The following ABL2 variants were observed in gnomAD, a reference collection of about 807,000 sequenced individuals.
ABL2 encodes the protein tyrosine-protein kinase ABL2.
Under a neutral mutation model 107.7 loss-of-function variants are expected in ABL2, and 49 were observed. The ratio of observed to expected loss-of-function variants is 0.45; its 90% CI spans 0.36 to 0.58. ABL2 has a LOEUF of 0.58. ABL2 is among the 20% of genes least tolerant of loss of function. The pLI, the probability that ABL2 is intolerant of heterozygous loss-of-function variation, is 0.00. For synonymous variants in ABL2, 549 were observed against 548.6 expected (o/e 1.00, Z -0.01); for missense variants, 1,245 against 1,457.0 (o/e 0.85, Z 2.37).
intron 8 of ABL2, among the ~76,000 whole-genome samples, chr1:179,116,007 G>C (rs1654581103): frequency 6.6e-6 from 1 of 151,676 alleles, no homozygotes; most frequent in African/African-American, 2.4e-5. Context: ...ACAAATTCTA[G>C]AGGAAACCTC....
chr1:179,215,570 T>C (rs1167139804), intron 1 of ABL2, among the ~76,000 whole-genome samples: 1 of 151,584 alleles, frequency 6.6e-6, no homozygotes, highest in Non-Finnish European at 1.5e-5. Context: ...CTACTAAAAA[T>C]ACAAAAATCA....
rs4651013 is a variant in ABL2, at chr1:179,103,831, C to T, written c.*3887G>A. The T allele has an allele frequency of 0.63, 145,088 of 230,208 alleles. 46,163 individuals are homozygous for T. Among genetic ancestry groups the T allele is most frequent in the Middle Eastern group, 0.71 (548 of 772 alleles). 14.3% of individuals were successfully genotyped at this position (230,208 alleles called of 1,614,324 possible). A position where few individuals can be genotyped will look rare whatever the true frequency, so the allele number is the denominator to read the frequency against. On this transcript the variant is annotated 3_prime_UTR_variant, in exon 12 of 12. Coordinates refer to ENST00000502732, the MANE Select transcript of ABL2 (RefSeq NM_007314.4). The stretch of plus-strand genomic sequence containing the variant: ...GAGACTTGAATTCTAGCCTTGGCTC[C>T]GCCACTAATTAACCGTTCTGAGACA...
At position 179,131,294 on chromosome 1, in the gene ABL2, C is replaced by T. The variant is rs752453458; in HGVS notation, c.391+17G>A. ...ATGAAAACTGAAAAGTGAAAGGATGCTACATAGAAGCCTCACCTTTAGTGA... is the reference window on the plus strand; with the variant it reads ...ATGAAAACTGAAAAGTGAAAGGATGTTACATAGAAGCCTCACCTTTAGTGA... On this transcript the variant is annotated intron_variant, in intron 3 of 11. Transcript: ENST00000502732. 2.5e-6 allele frequency: 4 copies of T among 1,608,548 alleles called. No homozygotes were observed. In the South Asian group the frequency reaches 4.4e-5, roughly 18 times the overall value.
At chr1:179,211,503 T>C (rs1441601964) in intron 1 of ABL2, among the ~76,000 whole-genome samples, 1 of 151,904 alleles carries the variant, frequency 6.6e-6, no homozygotes, top group Non-Finnish European at 1.5e-5. Context: ...AGCAACACAG[T>C]GAGATCCCGT....
At chr1:179,221,161 T>G (rs932703940) in intron 1 of ABL2, 11 of 239,802 alleles carry the variant, frequency 4.6e-5, no homozygotes, top group Non-Finnish European at 9.5e-5. Flanking sequence ...GATGGCGATA[T>G]GAGGTTCTCA....
At position 179,108,211 on chromosome 1, in the gene ABL2, T is replaced by C. The variant is rs758949211; in HGVS notation, c.3056A>G (p.Gln1019Arg). The change falls in exon 12 of 12, where the codon CAG (glutamine) becomes CGG (arginine). Residue 1019 changes from glutamine to arginine, a missense_variant. Gln to Arg is a conservative substitution (Grantham distance 43). Coordinates refer to ENST00000502732, the MANE Select transcript of ABL2 (RefSeq NM_007314.4). ...CAGAGCTGCCTTCTTTCCTCCTTCCTGTGTTTCTGATGTGGACTGTCCTGC... is the reference window on the plus strand; with the variant it reads ...CAGAGCTGCCTTCTTTCCTCCTTCCCGTGTTTCTGATGTGGACTGTCCTGC... Reference protein sequence around the residue: ...LTAGQSTSETQEGGKKAALGA... With the variant: ...LTAGQSTSETREGGKKAALGA... 2 of 1,613,986 alleles carry C rather than the reference T, an allele frequency of 1.2e-6. No homozygotes were observed. Among genetic ancestry groups the C allele is most frequent in the South Asian group, 1.1e-5 (1 of 91,082 alleles).
At chr1:179,120,461 G>A (rs946445870) in intron 5 of ABL2, among the ~76,000 whole-genome samples, 187 bp from the exon 6 acceptor site, 2 of 151,978 alleles carry the variant, frequency 1.3e-5, no homozygotes, top group Admixed American at 6.6e-5. Flanking sequence ...ACACGGTCTC[G>A]CTCTGTTACC....
intron 1 of ABL2, among the ~76,000 whole-genome samples, chr1:179,178,483 A>G (rs2102791981): frequency 6.6e-6 from 1 of 152,008 alleles, no homozygotes; most frequent in African/African-American, 2.4e-5. Flanking sequence ...AGGCATTTTT[A>G]GTAAGCTTAT....
Position 179,175,580 on chromosome 1 carries a change from T to G in ABL2, c.158-42206A>C, listed in dbSNP as rs566208171. On this transcript the variant is annotated intron_variant, in intron 1 of 11. Coordinates refer to ENST00000502732, the MANE Select transcript of ABL2 (RefSeq NM_007314.4). ...CCTAAATGAAATAAATGAGCTACTTTCGGGGTAGGATAGTGGGGGAACCAC... is the reference window on the plus strand; with the variant it reads ...CCTAAATGAAATAAATGAGCTACTTGCGGGGTAGGATAGTGGGGGAACCAC... Among the ~76,000 whole-genome samples, 34 of 152,324 alleles carry G rather than the reference T, an allele frequency of 2.2e-4. No homozygotes were observed. The South Asian group carries it at 6.8e-3, about 31-fold the overall frequency.
chr1:179,108,128 G>C lies in ABL2; in HGVS notation c.3139C>G (p.Pro1047Ala), dbSNP rs1360791310. ...GGCGAGATGGAAGATGTGGGCAGAG[G>C]CACTTGAGGTGGAGGCATCACTGGC... ...GRPVMPPPQV[P>A]LPTSSISPAK... Residue 1047 changes from proline (P) to alanine (A), a missense_variant, in exon 12 of 12, where the codon CCT becomes GCT. Physicochemically the swap from Pro to Ala is conservative, Grantham distance 27. Around this residue, in one of 3 missense-constraint regions of ABL2, gnomAD observed 761 missense variants for 766.4 expected, o/e 0.99. Coordinates refer to ENST00000502732, the MANE Select transcript of ABL2 (RefSeq NM_007314.4). 9 of 1,614,132 alleles carry C rather than the reference G, an allele frequency of 5.6e-6. No homozygotes were observed. Among genetic ancestry groups the C allele is most frequent in the Admixed American group, 3.3e-5 (2 of 60,018 alleles).
intron 1 of ABL2, among the ~76,000 whole-genome samples, chr1:179,186,984 G>A (rs527686004): frequency 6.6e-6 from 1 of 152,100 alleles, no homozygotes; most frequent in Admixed American, 6.6e-5. Context: ...TGATCCACCT[G>A]CCCCCACAAA....
chr1:179,164,152 A>C (rs1332272172), intron 1 of ABL2, among the ~76,000 whole-genome samples: 2 of 152,240 alleles, frequency 1.3e-5, no homozygotes, highest in African/African-American at 4.8e-5. Flanking sequence ...TAAAATTCAC[A>C]GAACCGTACA....
intron 1 of ABL2, among the ~76,000 whole-genome samples, chr1:179,224,370 G>A (rs1171645298): frequency 6.6e-6 from 1 of 151,690 alleles, no homozygotes; most frequent in Non-Finnish European, 1.5e-5. Flanking sequence ...GGGTTCAGGG[G>A]ATTCTCCTGT....
Position 179,229,221 on chromosome 1 carries a change from C to G in ABL2, c.157+20G>C. On this transcript the variant is annotated intron_variant, in intron 1 of 11. Transcript: ENST00000502732. ...CCCGGCCTCCCCCACGCTCTCATGC[C>G]GGCTCCCAGACACACTCACCATGCT... is the stretch of plus-strand genomic sequence containing the variant. The G allele has an allele frequency of 7.4e-7, 1 of 1,348,352 alleles. No individual in the cohort carries two copies. Among genetic ancestry groups the G allele is most frequent in the Admixed American group, 2.4e-5 (1 of 41,232 alleles). 83.5% of individuals were successfully genotyped at this position (1,348,352 alleles called of 1,614,324 possible). A position where few individuals can be genotyped will look rare whatever the true frequency, so the allele number is the denominator to read the frequency against.
At chr1:179,156,080 C>A (rs899873924) in intron 1 of ABL2, among the ~76,000 whole-genome samples, 1 of 152,182 alleles carries the variant, frequency 6.6e-6, no homozygotes, top group African/African-American at 2.4e-5. Flanking sequence ...ACATAACAAG[C>A]TTTTCATATG....
At chr1:179,213,679 C>T (rs529127737) in intron 1 of ABL2, among the ~76,000 whole-genome samples, 2 of 152,238 alleles carry the variant, frequency 1.3e-5, no homozygotes, top group Admixed American at 6.5e-5. Context: ...CTCAACAGTA[C>T]CAATATAGGG....
At chr1:179,218,598 T>C (rs1262529002) in intron 1 of ABL2, among the ~76,000 whole-genome samples, 4 of 152,178 alleles carry the variant, frequency 2.6e-5, no homozygotes, top group Non-Finnish European at 4.4e-5. Flanking sequence ...GGTTTCACCA[T>C]GTAGGCCAGG....
At chr1:179,162,711 A>G (rs1193920581) in intron 1 of ABL2, among the ~76,000 whole-genome samples, 1 of 152,242 alleles carries the variant, frequency 6.6e-6, no homozygotes, top group East Asian at 1.9e-4. Context: ...ATTATAGGGA[A>G]TGGACTCTTG....
intron 1 of ABL2, among the ~76,000 whole-genome samples, chr1:179,135,134 C>A (rs540503923): frequency 6.6e-6 from 1 of 152,326 alleles, no homozygotes; most frequent in Non-Finnish European, 1.5e-5. Flanking sequence ...GAGATTGCAG[C>A]CTCTGCCCGG....
Sources: gnomAD v4.1 joint callset for allele counts (sites outside exome capture counted in the v4.1 genomes callset) on GRCh38, gnomAD v4.1.1 for gene constraint, gnomAD v4.1.1 regional missense constraint, MANE v1.5 for transcripts, NCBI Gene and HGNC (gene_info 2026-07-23, HGNC 2026-07-21) for gene names.